The following LUC7L variants were observed in gnomAD, a reference collection of about 807,000 sequenced individuals.
LUC7L encodes the protein putative RNA-binding protein Luc7-like 1.
LUC7L carries 29 observed loss-of-function variants against 51.1 expected under a neutral mutation model. The observed-to-expected ratio is 0.57, with a 90% CI of 0.42 to 0.77. The LOEUF (loss-of-function observed/expected upper bound fraction) is 0.77. LUC7L is among the 30% of genes least tolerant of loss of function. The pLI is 0.00. For synonymous variants in LUC7L, 181 were observed against 180.7 expected, an observed-to-expected ratio of 1.00 and a Z score of -0.01; for missense variants, 403 against 511.9, an observed-to-expected ratio of 0.79 and a Z score of 2.05.
At chr16:200,806 CAGG>C (rs61127623) in intron 5 of LUC7L, among the ~76,000 whole-genome samples, 4,014 of 152,078 alleles carry the variant, frequency 0.026, 190 homozygotes, top group African/African-American at 0.092. Context: ...TGCTTGAGCC[CAGG>C]AGGTTGAAGG....
At chr16:199,329 C>A in intron 5 of LUC7L, 91 bp from the exon 6 acceptor site, 1 of 807,402 alleles carries the variant, frequency 1.2e-6, no homozygotes, top group Admixed American at 2.6e-5. Context: ...GATAAGATGA[C>A]AGAGGTGACT....
intron 6 of LUC7L, among the ~76,000 whole-genome samples, chr16:197,805 G>A (rs181293723): frequency 1.1e-3 from 161 of 152,228 alleles, no homozygotes; most frequent in Non-Finnish European, 1.6e-3. Flanking sequence ...TCAGCGACAC[G>A]TCTGTCCCTC....
chr16:214,568 C>G (rs2049734255), intron 3 of LUC7L, among the ~76,000 whole-genome samples: 1 of 152,196 alleles, frequency 6.6e-6, no homozygotes, highest in Non-Finnish European at 1.5e-5. Flanking sequence ...GTTCTGTTCT[C>G]CAGGCTGGAG....
At position 199,927 on chromosome 16, in the gene LUC7L, T is replaced by C. The variant is rs143942584; in HGVS notation, c.511-689A>G. On this transcript the variant is annotated intron_variant, in intron 5 of 9. Transcript: ENST00000293872. ...ATCACTTGAACCTGGGAAGCGGAGG[T>C]TGCAGTGAGCCAAAACCGTGCCACT... Among the ~76,000 whole-genome samples, 1,140 of 148,278 alleles carry C rather than the reference T, an allele frequency of 7.7e-3. 17 individuals carry two copies. Among genetic ancestry groups the C allele is most frequent in the African/African-American group, 0.027 (1,095 of 40,116 alleles).
chr16:205,732 G>GGTGCCTGGCGCC (rs1169248561), intron 5 of LUC7L, among the ~76,000 whole-genome samples: 4 of 152,210 alleles, frequency 2.6e-5, no homozygotes, highest in African/African-American at 9.7e-5. Flanking sequence ...TGGGACTACA[G>GGTGCCTGGCGCC]GTGCCTGGCG....
At chr16:220,803 C>T in intron 2 of LUC7L, 56 bp from the exon 3 acceptor site, 1 of 1,107,148 alleles carries the variant, frequency 9.0e-7, no homozygotes, top group Non-Finnish European at 1.4e-6. Flanking sequence ...GTAGAAAGCA[C>T]ACAACGCGAC....
chr16:192,896 C>T, intron 7 of LUC7L, 31 bp downstream of exon 7: 1 of 1,576,598 alleles, frequency 6.3e-7, no homozygotes. Flanking sequence ...GAGGCCAATG[C>T]AGGCCATCCA....
intron 6 of LUC7L, among the ~76,000 whole-genome samples, chr16:195,572 C>G (rs1567173934): frequency 6.6e-6 from 1 of 152,196 alleles, no homozygotes; most frequent in Non-Finnish European, 1.5e-5. Context: ...TACAGGCACA[C>G]ACCACCATGC....
intron 5 of LUC7L, 46 bp from the exon 6 acceptor site, chr16:199,284 C>T: frequency 4.1e-6 from 5 of 1,224,936 alleles, no homozygotes; most frequent in South Asian, 1.5e-5. Flanking sequence ...TATAGAACTG[C>T]CACCACAAAT....
In LUC7L at chr16:229,334, G is replaced by A. The variant is rs748587466; in HGVS notation, c.6C>T (p.Ser2=). 18 of 1,509,444 alleles carry A rather than the reference G, an allele frequency of 1.2e-5. No homozygotes were observed. Among genetic ancestry groups the A allele is most frequent in the African/African-American group, 2.9e-5 (2 of 70,046 alleles). The allele number at this position is 1,509,444 out of a possible 1,614,324, so 93.5% of individuals were successfully genotyped here. The change falls in exon 1 of 10, where the codon TCC becomes TCT. Residue 2 remains serine, a synonymous_variant. Transcript: ENST00000293872. ...GCAGGGCCCGCATCTGCGCCTGGGC[G>A]GACATGGTAGCCGGCGGAGGCGACG... is the stretch of plus-strand genomic sequence containing the variant. M[S]AQAQMRALLD...
At chr16:205,442 C>T (rs1446775415) in intron 5 of LUC7L, among the ~76,000 whole-genome samples, 1 of 152,140 alleles carries the variant, frequency 6.6e-6, no homozygotes, top group African/African-American at 2.4e-5. Context: ...TTTCTGCAGA[C>T]TTTGGGTGAT....
At chr16:194,223 G>A (rs377277406) in intron 6 of LUC7L, among the ~76,000 whole-genome samples, 2 of 152,062 alleles carry the variant, frequency 1.3e-5, no homozygotes, top group Admixed American at 6.6e-5. Flanking sequence ...CTTTAGCTCC[G>A]CCTCCTGAGT....
In LUC7L at chr16:189,410, A is replaced by G; in HGVS notation, c.975-71T>C. ...TCTGCTGGCCGCTCAGGCACTGACG[A>G]TGGACCCGCAGACCAGGCCAGGCAA... On this transcript the variant is annotated intron_variant, in intron 9 of 9. Coordinates refer to ENST00000293872, the MANE Select transcript of LUC7L (RefSeq NM_201412.3). 3 of 1,525,622 alleles carry G rather than the reference A, an allele frequency of 2.0e-6. No homozygotes were observed. The South Asian group carries it at 3.7e-5, about 19-fold the overall frequency. The allele number at this position is 1,525,622 out of a possible 1,614,324, so 94.5% of individuals were successfully genotyped here. A position where few individuals can be genotyped will look rare whatever the true frequency, so the allele number is the denominator to read the frequency against.
rs186580849 is a variant in LUC7L at position 228,183 on chromosome 16, G to A, written c.62-847C>T. ...ACAGAGCTGTGCAACGCTAGAGGAG[G>A]AATATATTTTAGGATTTGCAAGCAT... On this transcript the variant is annotated intron_variant, in intron 1 of 9. Coordinates refer to ENST00000293872, the MANE Select transcript of LUC7L (RefSeq NM_201412.3). 172 of 1,260,794 alleles carry A rather than the reference G, an allele frequency of 1.4e-4. 2 individuals are homozygous for A. The East Asian group carries it at 8.1e-3, about 59-fold the overall frequency. 78.1% of individuals were successfully genotyped at this position (1,260,794 alleles called of 1,614,324 possible).
At chr16:224,202 T>C (rs2050058110) in intron 2 of LUC7L, among the ~76,000 whole-genome samples, 1 of 152,134 alleles carries the variant, frequency 6.6e-6, no homozygotes, top group Non-Finnish European at 1.5e-5. Context: ...AAAACTCAAC[T>C]GTCAAGAAAG....
chr16:196,802 C>G (rs2049161107), intron 6 of LUC7L, among the ~76,000 whole-genome samples: 1 of 151,936 alleles, frequency 6.6e-6, no homozygotes, highest in Non-Finnish European at 1.5e-5. Context: ...GCTGGGATTA[C>G]AGGTGTGAGC....
chr16:229,268 C>G lies in LUC7L; in HGVS notation c.61+11G>C, dbSNP rs1378736466. On this transcript the variant is annotated intron_variant, in intron 1 of 9. Transcript: ENST00000293872. ...CCCCAGACCCTCGCCTGGTTGGCCGCTCTGACTCACCGTCCCGAGCCGTGC... is the reference window on the plus strand; with the variant it reads ...CCCCAGACCCTCGCCTGGTTGGCCGGTCTGACTCACCGTCCCGAGCCGTGC... 1.3e-6 allele frequency: 2 copies of G among 1,534,808 alleles called. No homozygotes were observed. Among genetic ancestry groups the G allele is most frequent in the East Asian group, 5.0e-5 (2 of 40,218 alleles).
chr16:208,018 A>T, intron 4 of LUC7L, 60 bp downstream of exon 4: 1 of 1,192,834 alleles, frequency 8.4e-7, no homozygotes, highest in Non-Finnish European at 1.2e-6. Flanking sequence ...CAAAAAAAAA[A>T]GCTATTGACA....
Position 189,116 on chromosome 16 carries a change from G to T in LUC7L, c.*82C>A. The T allele has an allele frequency of 2.2e-6, 3 of 1,386,072 alleles. No individual in the cohort carries two copies. The highest frequency in any genetic ancestry group is 3.0e-6 in the Non-Finnish European group (3 of 1,011,558). 85.9% of individuals were successfully genotyped at this position (1,386,072 alleles called of 1,614,324 possible). A position where few individuals can be genotyped will look rare whatever the true frequency, so the allele number is the denominator to read the frequency against. On this transcript the variant is annotated 3_prime_UTR_variant, in exon 10 of 10. Transcript: ENST00000293872. ...ATAGAAATTTTAAACTACAAAAGAT[G>T]AGTTGTATTCAGCAAATATAAAGGG... is the stretch of plus-strand genomic sequence containing the variant.
Sources: gnomAD v4.1 joint callset for allele counts (sites outside exome capture counted in the v4.1 genomes callset) on GRCh38, gnomAD v4.1.1 for gene constraint, MANE v1.5 for transcripts, NCBI Gene and HGNC (gene_info 2026-07-23, HGNC 2026-07-21) for gene names.